Variants in MOV10L1 observed in about 807,000 individuals in gnomAD.
The protein encoded by MOV10L1 is RNA helicase Mov10l1.
In MOV10L1, 110 loss-of-function variants were observed where a neutral mutation model predicts 143.8. The observed-to-expected ratio is 0.76, with a 90% CI of 0.66 to 0.90. The LOEUF is 0.90. Among genes scored for constraint, MOV10L1 ranks in the 40% least tolerant of loss-of-function variants. The probability of loss-of-function intolerance (pLI) is 0.00; values close to 1 mark genes in which losing one functional copy is unlikely to be tolerated. For missense variants in MOV10L1, 1,406 were observed against 1,526.8 expected (o/e 0.92, Z 1.32); for synonymous variants, 593 against 581.1 (o/e 1.02, Z -0.29).
At chr22:50,102,962 C>G (rs1190654296) in intron 3 of MOV10L1, among the ~76,000 whole-genome samples, 1 of 151,798 alleles carries the variant, frequency 6.6e-6, no homozygotes, top group Non-Finnish European at 1.5e-5. Context: ...AGGGTCGTGT[C>G]AGAGGACTAG....
intron 3 of MOV10L1, among the ~76,000 whole-genome samples, chr22:50,106,699 CTTTTT>C (rs71198216): frequency 6.6e-5 from 8 of 120,694 alleles, no homozygotes; most frequent in Admixed American, 9.0e-5. Flanking sequence ...AGGACATGGT[CTTTTT>C]TTTTTTTTTT....
rs2272839 is a variant in MOV10L1 at position 50,145,819 on chromosome 22, C to T, written c.2627+9C>T. The T allele has an allele frequency of 0.011, 17,472 of 1,613,314 alleles. 291 individuals are homozygous for T. The highest frequency in any genetic ancestry group is 0.057 in the East Asian group (2,552 of 44,864). ...TACCAAATAGGAGTGAGGTGAGCCC[C>T]GGGCATGGAGCGCGGCATGGGGCCT... On this transcript the variant is annotated intron_variant, in intron 19 of 26. Transcript: ENST00000262794.
At chr22:50,145,428 T>C (rs1423500721) in intron 18 of MOV10L1, among the ~76,000 whole-genome samples, 1 of 152,170 alleles carries the variant, frequency 6.6e-6, no homozygotes, top group East Asian at 1.9e-4. Context: ...ACTCCCTCTC[T>C]AAATAAACAA....
chr22:50,115,613 T>G (rs1277430456), intron 8 of MOV10L1, among the ~76,000 whole-genome samples: 1 of 152,104 alleles, frequency 6.6e-6, no homozygotes, highest in Non-Finnish European at 1.5e-5. Context: ...AAAGCATTGG[T>G]CTAGAAGCTG....
chr22:50,112,780 C>G (rs566875780), intron 5 of MOV10L1, among the ~76,000 whole-genome samples: 374 of 152,362 alleles, frequency 2.5e-3, no homozygotes, highest in Admixed American at 5.1e-3. Flanking sequence ...CGCAGCTTCT[C>G]CTGTGGGGGC....
intron 17 of MOV10L1, 53 bp downstream of exon 17, chr22:50,143,274 C>A: frequency 1.3e-6 from 2 of 1,565,982 alleles, no homozygotes; most frequent in South Asian, 1.1e-5. Flanking sequence ...GTTCATGTGT[C>A]GTCTGTGTCT....
At position 50,103,081 on chromosome 22, in the gene MOV10L1, G is replaced by T. The variant is rs139671050; in HGVS notation, c.442+3479G>T. On this transcript the variant is annotated intron_variant, in intron 3 of 26. Coordinates refer to ENST00000262794, the MANE Select transcript of MOV10L1 (RefSeq NM_018995.3). ...GTCCAGGTAATGCCAGCCGGCCTGGGTCAGGTTCTGTCCTAAACACAACCC... is the reference window on the plus strand; with the variant it reads ...GTCCAGGTAATGCCAGCCGGCCTGGTTCAGGTTCTGTCCTAAACACAACCC... 8.7e-4 allele frequency among the ~76,000 whole-genome samples: 133 copies of T among 152,268 alleles called. 1 individual carries two copies. The East Asian group carries it at 0.024, about 27-fold the overall frequency.
At chr22:50,100,709 G>C (rs1000611165) in intron 3 of MOV10L1, among the ~76,000 whole-genome samples, 4 of 151,996 alleles carry the variant, frequency 2.6e-5, no homozygotes, top group Non-Finnish European at 4.4e-5. Flanking sequence ...GTTTCACCAT[G>C]TTGGCCAGTC....
At chr22:50,109,626 G>A (rs1303124403) in intron 5 of MOV10L1, 4 of 155,128 alleles carry the variant, frequency 2.6e-5, no homozygotes, top group Non-Finnish European at 5.5e-5. Context: ...AGCCGAGATC[G>A]CGCCACTGCA....
At chr22:50,160,120 C>T (rs1024067101) in intron 24 of MOV10L1, among the ~76,000 whole-genome samples, 1 of 152,060 alleles carries the variant, frequency 6.6e-6, no homozygotes, top group Non-Finnish European at 1.5e-5. Flanking sequence ...CCCTAAGACC[C>T]CGCCATCCAG....
intron 13 of MOV10L1, 120 bp from the exon 14 acceptor site, chr22:50,133,887 G>A: frequency 1.2e-6 from 1 of 829,754 alleles, no homozygotes; most frequent in Non-Finnish European, 1.9e-6. Context: ...TTGTTGGATT[G>A]TTGCTGTGAT....
rs201978143 is a variant in MOV10L1, at chr22:50,158,212, C to A, written c.3216+6C>A. 9.9e-6 allele frequency: 16 copies of A among 1,613,914 alleles called. No individual in the cohort carries two copies. Among genetic ancestry groups the A allele is most frequent in the Non-Finnish European group, 1.4e-5 (16 of 1,179,994 alleles). The stretch of plus-strand genomic sequence containing the variant: ...TCACGCCCTACCGGAAGCAGGTACG[C>A]CCTGCCCAGGCACGCCTGGTTCTGT... On this transcript the variant is annotated splice_donor_region_variant and intron_variant, in intron 23 of 26. Coordinates refer to ENST00000262794, the MANE Select transcript of MOV10L1 (RefSeq NM_018995.3). The surrounding 1 kb of genome is among the most constrained non-coding windows in gnomAD (Gnocchi z 5.0).
At chr22:50,145,874 G>T in intron 19 of MOV10L1, 64 bp downstream of exon 19, 1 of 1,599,160 alleles carries the variant, frequency 6.3e-7, no homozygotes, top group Non-Finnish European at 8.5e-7. Flanking sequence ...TCCTCTCCTA[G>T]CTTCTGTCTG....
Position 50,158,203 on chromosome 22 carries a change from G to A in MOV10L1, c.3213G>A (p.Lys1071=), listed in dbSNP as rs753681231. 1.9e-6 allele frequency: 3 copies of A among 1,614,112 alleles called. No homozygotes were observed. Among genetic ancestry groups the A allele is most frequent in the Non-Finnish European group, 2.5e-6 (3 of 1,180,032 alleles). Residue 1071 remains lysine, a synonymous_variant, in exon 23 of 27, where the codon AAG becomes AAA. Coordinates refer to ENST00000262794, the MANE Select transcript of MOV10L1 (RefSeq NM_018995.3). The surrounding 1 kb of genome is among the most constrained non-coding windows in gnomAD (Gnocchi z 5.0). ...TTGGCGTCATCACGCCCTACCGGAA[G>A]CAGGTACGCCCTGCCCAGGCACGCC... The part of the protein sequence containing the change: ...SDIGVITPYR[K]QVEKIRILLR...
Position 50,090,194 on chromosome 22 carries a change from CG to C in MOV10L1, c.97+12del. ...GCCCGAGCTCGCGGAAGGTGGCTCG[CG>C]GGAGGCGGCTGGGAGGCGGGTCCCG... On this transcript the variant is annotated intron_variant, in intron 1 of 26. Transcript: ENST00000262794. 1 of 1,413,784 alleles carries C rather than the reference CG, an allele frequency of 7.1e-7. No homozygotes were observed. The allele number at this position is 1,413,784 out of a possible 1,614,324, so 87.6% of individuals were successfully genotyped here. A position where few individuals can be genotyped will look rare whatever the true frequency, so the allele number is the denominator to read the frequency against.
intron 2 of MOV10L1, chr22:50,095,984 C>T (rs550802245): frequency 6.6e-6 from 1 of 152,018 alleles, no homozygotes; most frequent in African/African-American, 2.4e-5. Flanking sequence ...TGGGAATGAT[C>T]CCCATTTGGT....
chr22:50,113,376 A>C (rs986056392), intron 5 of MOV10L1, among the ~76,000 whole-genome samples: 2 of 152,152 alleles, frequency 1.3e-5, no homozygotes, highest in Admixed American at 6.5e-5. Flanking sequence ...GAGGTAGGGG[A>C]GTGCTGGGGA....
chr22:50,108,740 T>A lies in MOV10L1; in HGVS notation c.639T>A (p.Asp213Glu), dbSNP rs991239407. Residue 213 changes from aspartate (D) to glutamate (E), a missense_variant, in exon 5 of 27, where the codon GAT becomes GAA. By Grantham distance (45) the Asp-to-Glu change is conservative. This residue lies in a region of MOV10L1 where 1,233 missense variants were observed against 1,351.4 expected (regional missense o/e 0.91). Transcript: ENST00000262794. ...CCTTGGACTCCTTGAAACTGCCAGATGGGTACACACCCCGGAGAGGTGACG... is the reference window on the plus strand; with the variant it reads ...CCTTGGACTCCTTGAAACTGCCAGAAGGGTACACACCCCGGAGAGGTGACG... ...FFTLDSLKLP[D>E]GYTPRRGDVV... 6.2e-7 allele frequency: 1 copy of A among 1,614,212 alleles called. No homozygotes were observed. The highest frequency in any genetic ancestry group is 1.3e-5 in the African/African-American group (1 of 75,052).
At chr22:50,147,182 C>T (rs771755079) in intron 19 of MOV10L1, 49 of 1,497,766 alleles carry the variant, frequency 3.3e-5, no homozygotes, top group Middle Eastern at 2.0e-4. Flanking sequence ...CAGGGCAGGC[C>T]GCTCTCTCAG....
Sources: allele counts gnomAD v4.1 joint callset (sites outside exome capture counted in the v4.1 genomes callset), GRCh38; gene constraint gnomAD v4.1.1; regional missense constraint gnomAD v4.1.1; non-coding constraint Gnocchi (gnomAD v3.1); transcripts MANE v1.5; gene names NCBI Gene and HGNC (gene_info 2026-07-23, HGNC 2026-07-21).